ITFG1: variants seen among roughly 807,000 people sequenced by gnomAD.
ITFG1 encodes T-cell immunomodulatory protein.
ITFG1 carries 34 observed loss-of-function variants against 81.8 expected under a neutral mutation model. The ratio of observed to expected loss-of-function variants is 0.42; its 90% CI spans 0.32 to 0.55. The LOEUF is 0.55. ITFG1 is among the 20% of genes least tolerant of loss of function. The pLI is 0.17. For missense variants in ITFG1, 672 were observed against 755.4 expected, an observed-to-expected ratio of 0.89 and a Z score of 1.29; for synonymous variants, 285 against 270.6, an observed-to-expected ratio of 1.05 and a Z score of -0.52.
At chr16:47,258,601 G>A (rs2151541529) in intron 12 of ITFG1, 31 bp downstream of exon 12, 1 of 993,160 alleles carries the variant, frequency 1.0e-6, no homozygotes, top group Non-Finnish European at 1.6e-6. Flanking sequence ...AAGAGAAAGA[G>A]AACAAAATTA....
At position 47,320,011 on chromosome 16, in the gene ITFG1, T is replaced by G. The variant is rs1181948635; in HGVS notation, c.803-6188A>C. Among the ~76,000 whole-genome samples the G allele has an allele frequency of 3.9e-5, 6 of 152,242 alleles. No homozygotes were observed. In the East Asian group the frequency reaches 1.2e-3, roughly 29 times the overall value. On this transcript the variant is annotated intron_variant, in intron 8 of 17. Coordinates refer to ENST00000320640, the MANE Select transcript of ITFG1 (RefSeq NM_030790.5). Reference sequence around the variant, plus strand: ...ATCTCCGCTCACTGCAACTTTCGCCTCCTGTGTTCAAGCCATTCTCCTGCC... The same window carrying G: ...ATCTCCGCTCACTGCAACTTTCGCCGCCTGTGTTCAAGCCATTCTCCTGCC...
intron 6 of ITFG1, among the ~76,000 whole-genome samples, chr16:47,422,114 T>C (rs1371656287): frequency 6.6e-6 from 1 of 152,248 alleles, no homozygotes; most frequent in Non-Finnish European, 1.5e-5. Flanking sequence ...GTCTTTGCTA[T>C]TGTGAACAGT....
At chr16:47,271,508 G>T (rs1053252038) in intron 10 of ITFG1, among the ~76,000 whole-genome samples, 8 of 152,212 alleles carry the variant, frequency 5.3e-5, no homozygotes, top group African/African-American at 1.9e-4. Flanking sequence ...GTATAATGTA[G>T]ACGGGAATAT....
chr16:47,310,274 G>A (rs534308190), intron 10 of ITFG1, among the ~76,000 whole-genome samples: 1 of 152,282 alleles, frequency 6.6e-6, no homozygotes, highest in African/African-American at 2.4e-5. Context: ...GGAGTTAAAA[G>A]CAGTAATACG....
chr16:47,305,023 T>C (rs933758128), intron 10 of ITFG1, among the ~76,000 whole-genome samples: 1 of 152,330 alleles, frequency 6.6e-6, no homozygotes, highest in East Asian at 1.9e-4. Context: ...TATCACAGTA[T>C]AATTTTATGT....
intron 6 of ITFG1, among the ~76,000 whole-genome samples, chr16:47,417,471 A>T (rs530760101): frequency 6.6e-6 from 1 of 152,320 alleles, no homozygotes; most frequent in Admixed American, 6.5e-5. Context: ...AGTCACCCTG[A>T]TGTGCTATTG....
At chr16:47,443,085 A>G (rs1337419449) in intron 5 of ITFG1, among the ~76,000 whole-genome samples, 3 of 152,254 alleles carry the variant, frequency 2.0e-5, no homozygotes, top group African/African-American at 4.8e-5. Context: ...AAAGTGGGCA[A>G]AGGGCATGAA....
At chr16:47,221,293 AG>A (rs1194699504) in intron 13 of ITFG1, among the ~76,000 whole-genome samples, 30 of 152,266 alleles carry the variant, frequency 2.0e-4, no homozygotes, top group African/African-American at 6.3e-4. Context: ...TTTAGCATGA[AG>A]GGTTGTTGAA....
chr16:47,338,086 C>CA (rs1555511100), intron 8 of ITFG1, among the ~76,000 whole-genome samples: 1 of 152,024 alleles, frequency 6.6e-6, no homozygotes, highest in Non-Finnish European at 1.5e-5. Flanking sequence ...TACAGTCTTT[C>CA]AAAAAAATAG....
intron 12 of ITFG1, among the ~76,000 whole-genome samples, chr16:47,248,150 T>G (rs1296609632): frequency 6.6e-6 from 1 of 152,248 alleles, no homozygotes. Context: ...TAGCTATTAC[T>G]GTTTTGTTTA....
At chr16:47,363,610 T>C (rs985024360) in intron 8 of ITFG1, among the ~76,000 whole-genome samples, 2 of 152,346 alleles carry the variant, frequency 1.3e-5, no homozygotes, top group East Asian at 3.9e-4. Context: ...AAAAGTTCTA[T>C]GATAAAAATA....
chr16:47,435,343 C>T (rs1969152575), intron 5 of ITFG1, among the ~76,000 whole-genome samples: 1 of 152,134 alleles, frequency 6.6e-6, no homozygotes, highest in African/African-American at 2.4e-5. Flanking sequence ...ATAAAAACTG[C>T]TCTGATTACA....
chr16:47,403,733 G>A (rs1467826958), intron 6 of ITFG1, among the ~76,000 whole-genome samples: 1 of 149,028 alleles, frequency 6.7e-6, no homozygotes, highest in Non-Finnish European at 1.5e-5. Context: ...ACAGTTCAGG[G>A]AAAAAAGTTG....
At chr16:47,397,465 G>A (rs1968607685) in intron 6 of ITFG1, among the ~76,000 whole-genome samples, 1 of 152,210 alleles carries the variant, frequency 6.6e-6, no homozygotes, top group Non-Finnish European at 1.5e-5. Context: ...AAGCTTGAAA[G>A]AAAGACAAGT....
At chr16:47,365,173 A>G (rs1383508833) in intron 8 of ITFG1, among the ~76,000 whole-genome samples, 1 of 152,190 alleles carries the variant, frequency 6.6e-6, no homozygotes, top group East Asian at 1.9e-4. Flanking sequence ...GGCATAATGA[A>G]GGATCAGCAG....
At chr16:47,187,310 C>T (rs1223319438) in intron 14 of ITFG1, among the ~76,000 whole-genome samples, 1 of 152,162 alleles carries the variant, frequency 6.6e-6, no homozygotes, top group Admixed American at 6.6e-5. Context: ...CCAAGTCAAT[C>T]CTAAGCCAAA....
At chr16:47,457,976 G>T (rs1391269046) in intron 2 of ITFG1, among the ~76,000 whole-genome samples, 1 of 152,122 alleles carries the variant, frequency 6.6e-6, no homozygotes, top group Non-Finnish European at 1.5e-5. Context: ...TTTTTAACAT[G>T]AGTTTGAGTT....
At chr16:47,305,360 T>C (rs945101346) in intron 10 of ITFG1, among the ~76,000 whole-genome samples, 6 of 152,146 alleles carry the variant, frequency 3.9e-5, no homozygotes, top group African/African-American at 1.2e-4. Flanking sequence ...AGGGTAGTTA[T>C]TGAGCTGAAC....
At chr16:47,314,883 T>C (rs185196988) in intron 8 of ITFG1, among the ~76,000 whole-genome samples, 17 of 152,226 alleles carry the variant, frequency 1.1e-4, no homozygotes, top group Admixed American at 3.9e-4. Context: ...GTATATTTAG[T>C]GAAGCATACT....
Sources: gnomAD v4.1 joint callset for allele counts (sites outside exome capture counted in the v4.1 genomes callset) on GRCh38, gnomAD v4.1.1 for gene constraint, MANE v1.5 for transcripts, NCBI Gene and HGNC (gene_info 2026-07-23, HGNC 2026-07-21) for gene names.